Variants in NRG3 observed in about 807,000 individuals in gnomAD.
NRG3 encodes the protein pro-neuregulin-3, membrane-bound isoform.
NRG3 carries 31 observed loss-of-function variants against 66.9 expected under a neutral mutation model. The ratio of observed to expected loss-of-function variants is 0.46; its 90% CI spans 0.35 to 0.63. NRG3 has a LOEUF of 0.63. Among genes scored for constraint, NRG3 ranks in the 20% least tolerant of loss-of-function variants. The pLI, the probability that NRG3 is intolerant of heterozygous loss-of-function variation, is 0.00. For synonymous variants in NRG3, 393 were observed against 359.4 expected (o/e 1.09, Z -1.06); for missense variants, 910 against 878.9 (o/e 1.04, Z -0.45).
intron 1 of NRG3, among the ~76,000 whole-genome samples, chr10:82,129,016 G>A (rs138336883): frequency 4.6e-5 from 7 of 151,976 alleles, no homozygotes; most frequent in African/African-American, 1.2e-4. Flanking sequence ...GGGTTCAAGC[G>A]ATTCTCCTGT....
At chr10:82,697,250 T>C (rs1026265522) in intron 2 of NRG3, among the ~76,000 whole-genome samples, 1 of 152,122 alleles carries the variant, frequency 6.6e-6, no homozygotes, top group African/African-American at 2.4e-5. Flanking sequence ...ATTGAAATTG[T>C]TGGATGATGA....
intron 1 of NRG3, among the ~76,000 whole-genome samples, chr10:82,055,478 A>G (rs1426686177): frequency 5.8e-5 from 5 of 86,026 alleles, no homozygotes; most frequent in East Asian, 4.9e-4. Flanking sequence ...CTCCGTCTCA[A>G]AAAAAAAAAA....
At chr10:82,187,587 A>C (rs1374403036) in intron 1 of NRG3, among the ~76,000 whole-genome samples, 1 of 152,118 alleles carries the variant, frequency 6.6e-6, no homozygotes, top group African/African-American at 2.4e-5. Context: ...ATCATTTCAA[A>C]CCAGATACTG....
intron 1 of NRG3, among the ~76,000 whole-genome samples, chr10:81,919,177 G>T (rs1227148457): frequency 1.3e-5 from 2 of 152,218 alleles, no homozygotes; most frequent in Admixed American, 1.3e-4. Flanking sequence ...AACTTCATAT[G>T]TATGGGACTA....
At chr10:82,674,625 G>A (rs902432573) in intron 2 of NRG3, among the ~76,000 whole-genome samples, 7 of 152,070 alleles carry the variant, frequency 4.6e-5, no homozygotes, top group African/African-American at 1.4e-4. Flanking sequence ...TAGGAGGATG[G>A]TTCATCCAGC....
chr10:82,910,955 T>C (rs1432012609), intron 4 of NRG3, among the ~76,000 whole-genome samples: 1 of 152,184 alleles, frequency 6.6e-6, no homozygotes, highest in East Asian at 1.9e-4. Flanking sequence ...GTTCAGTGAC[T>C]ATGTTTCAAC....
intron 1 of NRG3, among the ~76,000 whole-genome samples, chr10:82,064,569 A>T (rs2064346699): frequency 1.3e-5 from 2 of 152,324 alleles, no homozygotes; most frequent in South Asian, 4.1e-4. Context: ...AATTAGATAT[A>T]ATCTTTGATG....
At chr10:82,241,682 G>C (rs61863008) in intron 1 of NRG3, among the ~76,000 whole-genome samples, 16,421 of 152,152 alleles carry the variant, frequency 0.11, 956 homozygotes, top group Non-Finnish European at 0.14. Context: ...TTTTGTGGTG[G>C]TTACTAATTA....
chr10:82,084,502 ATT>A (rs11324774), intron 1 of NRG3, among the ~76,000 whole-genome samples: 33 of 145,372 alleles, frequency 2.3e-4, no homozygotes, highest in African/African-American at 3.5e-4. Flanking sequence ...CATATATGAG[ATT>A]TTTTTTTTTT....
In NRG3 at chr10:81,906,919, C is replaced by A. The variant is rs115723817; in HGVS notation, c.823+30756C>A. On this transcript the variant is annotated intron_variant, in intron 1 of 8. Coordinates refer to ENST00000372141, the MANE Select transcript of NRG3 (RefSeq NM_001010848.4). ...AGCAGTGAGGGTCTAGAGGATTAGT[C>A]AGAGAGAGAAATCAAGTAGAACTGG... is the stretch of plus-strand genomic sequence containing the variant. 9.9e-3 allele frequency among the ~76,000 whole-genome samples: 1,502 copies of A among 151,712 alleles called. 30 individuals carry two copies. Among genetic ancestry groups the A allele is most frequent in the African/African-American group, 0.034 (1,403 of 41,338 alleles).
chr10:81,880,705 T>C (rs1305139222), intron 1 of NRG3, among the ~76,000 whole-genome samples: 1 of 152,172 alleles, frequency 6.6e-6, no homozygotes, highest in African/African-American at 2.4e-5. Flanking sequence ...ATGTCAAAAA[T>C]GGAACATGAA....
intron 2 of NRG3, among the ~76,000 whole-genome samples, chr10:82,654,099 T>A (rs2051655761): frequency 6.6e-6 from 1 of 152,146 alleles, no homozygotes; most frequent in Non-Finnish European, 1.5e-5. Flanking sequence ...AAATACCATT[T>A]TTTTTCCTGG....
At chr10:82,652,165 G>T (rs2051467006) in intron 2 of NRG3, among the ~76,000 whole-genome samples, 1 of 152,164 alleles carries the variant, frequency 6.6e-6, no homozygotes, top group African/African-American at 2.4e-5. Flanking sequence ...GTGCCAGCAG[G>T]AGTGAACTCC....
rs186931293 is a variant in NRG3, at chr10:81,934,459, C to G, written c.823+58296C>G. 1.1e-4 allele frequency among the ~76,000 whole-genome samples: 17 copies of G among 152,280 alleles called. No homozygotes were observed. In the East Asian group the frequency reaches 2.5e-3, roughly 23 times the overall value. On this transcript the variant is annotated intron_variant, in intron 1 of 8. Transcript: ENST00000372141. ...TCCCTCCGTGGTAATTGCTGTGACA[C>G]ACATAAAGCTTCTATCATACAACAA... is the stretch of plus-strand genomic sequence containing the variant.
At chr10:82,592,620 C>T (rs1290353021) in intron 2 of NRG3, among the ~76,000 whole-genome samples, 1 of 152,142 alleles carries the variant, frequency 6.6e-6, no homozygotes, top group East Asian at 1.9e-4. Context: ...ATCATTTCCC[C>T]TGCTGACAGT....
At chr10:82,355,080 T>C (rs766136450) in intron 1 of NRG3, among the ~76,000 whole-genome samples, 9 of 152,228 alleles carry the variant, frequency 5.9e-5, no homozygotes, top group Non-Finnish European at 7.3e-5. Flanking sequence ...CCATATAGCA[T>C]AGCCAGCTTA....
At chr10:82,414,021 T>A (rs1413633736) in intron 2 of NRG3, among the ~76,000 whole-genome samples, 1 of 152,154 alleles carries the variant, frequency 6.6e-6, no homozygotes, top group Non-Finnish European at 1.5e-5. Context: ...TATCTGTGTG[T>A]TCATTGGAGT....
intron 3 of NRG3, among the ~76,000 whole-genome samples, chr10:82,831,822 T>G (rs1236548835): frequency 6.6e-6 from 1 of 152,038 alleles, no homozygotes; most frequent in African/African-American, 2.4e-5. Flanking sequence ...AAAAAGTTAT[T>G]TGCTCTAGGG....
intron 2 of NRG3, among the ~76,000 whole-genome samples, chr10:82,652,480 T>G (rs980523925): frequency 1.3e-5 from 2 of 152,110 alleles, no homozygotes; most frequent in East Asian, 3.9e-4. Flanking sequence ...CCAGATGGAT[T>G]TATCTCAGAA....
Sources: gnomAD v4.1 joint callset for allele counts (sites outside exome capture counted in the v4.1 genomes callset) on GRCh38, gnomAD v4.1.1 for gene constraint, MANE v1.5 for transcripts, NCBI Gene and HGNC (gene_info 2026-07-23, HGNC 2026-07-21) for gene names.